The following GALNT13 variants were observed in gnomAD, a reference collection of about 807,000 sequenced individuals.
GALNT13 encodes UDP-GalNAc:polypeptide N-acetylgalactosaminyltransferase 13.
A neutral mutation model predicts 64.2 loss-of-function variants in GALNT13; 28 were observed. The observed-to-expected ratio is 0.44, with a 90% CI of 0.32 to 0.60. The LOEUF (loss-of-function observed/expected upper bound fraction) is 0.60, where lower values mean the gene tolerates loss of function less well. Ranked by LOEUF, GALNT13 falls within the 20% of genes least tolerant of loss-of-function variation. The pLI, the probability that GALNT13 is intolerant of heterozygous loss-of-function variation, is 0.05. For missense variants in GALNT13, 577 were observed against 669.8 expected (o/e 0.86, Z 1.53); for synonymous variants, 214 against 224.6 (o/e 0.95, Z 0.42).
At chr2:153,764,803 G>C in the GALNT13 span, among the ~76,000 whole-genome samples, 2 of 152,206 alleles carry the variant, frequency 1.3e-5, no homozygotes, top group African/African-American at 2.4e-5. Flanking sequence ...AGGGCCCCCT[G>C]CTGTGTGCAG....
chr2:154,221,204 C>G (rs1181000782), intron 4 of GALNT13, among the ~76,000 whole-genome samples: 1 of 151,854 alleles, frequency 6.6e-6, no homozygotes, highest in Non-Finnish European at 1.5e-5. Context: ...CTTGTTGATG[C>G]AAACAGAAAA....
chr2:153,306,919 A>G, the GALNT13 span, among the ~76,000 whole-genome samples: 1 of 152,090 alleles, frequency 6.6e-6, no homozygotes, highest in Non-Finnish European at 1.5e-5. Context: ...TCCTTTTGGT[A>G]GAATTGGGGT....
the GALNT13 span, among the ~76,000 whole-genome samples, chr2:153,687,530 G>T: frequency 6.6e-6 from 1 of 151,702 alleles, no homozygotes; most frequent in East Asian, 1.9e-4. Flanking sequence ...TTGAATAGAA[G>T]AGTAAATATT....
At chr2:153,547,381 T>G in the GALNT13 span, among the ~76,000 whole-genome samples, 1 of 152,228 alleles carries the variant, frequency 6.6e-6, no homozygotes, top group Non-Finnish European at 1.5e-5. Context: ...TTACTTCTAT[T>G]TTCATTGAAG....
At chr2:153,864,140 C>G in the GALNT13 span, among the ~76,000 whole-genome samples, 1 of 152,136 alleles carries the variant, frequency 6.6e-6, no homozygotes, top group African/African-American at 2.4e-5. Flanking sequence ...TTTTCTCTGT[C>G]AATGAATGCT....
the GALNT13 span, among the ~76,000 whole-genome samples, chr2:153,582,286 A>G: frequency 2.6e-5 from 4 of 152,302 alleles, no homozygotes; most frequent in South Asian, 6.2e-4. Context: ...CGTATTGATG[A>G]CAATCTCAAG....
At chr2:154,173,965 G>A (rs1013448614) in intron 4 of GALNT13, among the ~76,000 whole-genome samples, 3 of 152,112 alleles carry the variant, frequency 2.0e-5, no homozygotes, top group Non-Finnish European at 4.4e-5. Context: ...TACAGCCACT[G>A]TAGACGATAG....
chr2:154,035,186 C>G (rs1698585742), intron 3 of GALNT13, among the ~76,000 whole-genome samples: 1 of 152,038 alleles, frequency 6.6e-6, no homozygotes, highest in South Asian at 2.1e-4. Flanking sequence ...CACATAGACA[C>G]ACTTGGATTT....
the GALNT13 span, among the ~76,000 whole-genome samples, chr2:153,759,321 C>G: frequency 8.6e-3 from 1,306 of 152,172 alleles, 58 homozygotes; most frequent in East Asian, 0.13. Flanking sequence ...TGGCAAGGAG[C>G]GCTATAGTCA....
At chr2:153,458,454 T>C in the GALNT13 span, among the ~76,000 whole-genome samples, 1 of 152,164 alleles carries the variant, frequency 6.6e-6, no homozygotes, top group Non-Finnish European at 1.5e-5. Context: ...AACTCCCTCC[T>C]ACTTCTCTTT....
chr2:154,021,453 C>T (rs1697485132), intron 3 of GALNT13, among the ~76,000 whole-genome samples: 1 of 152,170 alleles, frequency 6.6e-6, no homozygotes, highest in Non-Finnish European at 1.5e-5. Flanking sequence ...ATTTTATTCT[C>T]TTTGAAACAA....
intron 4 of GALNT13, among the ~76,000 whole-genome samples, chr2:154,174,053 G>C (rs1352904212): frequency 1.3e-5 from 2 of 152,078 alleles, no homozygotes; most frequent in Non-Finnish European, 2.9e-5. Context: ...ATATCCAAAA[G>C]AAAGGAAATC....
the GALNT13 span, among the ~76,000 whole-genome samples, chr2:153,075,756 CCT>C: frequency 1.3e-5 from 2 of 151,966 alleles, no homozygotes; most frequent in Non-Finnish European, 2.9e-5. Flanking sequence ...TTATTTTCTC[CCT>C]CTTTTATAGG....
At chr2:153,166,812 C>T in the GALNT13 span, among the ~76,000 whole-genome samples, 167 of 152,260 alleles carry the variant, frequency 1.1e-3, no homozygotes, top group Non-Finnish European at 1.9e-3. Context: ...TATAACCTTG[C>T]GTAACCAGGT....
At chr2:153,562,080 G>C in the GALNT13 span, among the ~76,000 whole-genome samples, 118 of 147,104 alleles carry the variant, frequency 8.0e-4, 1 homozygote, top group Admixed American at 2.7e-3. Flanking sequence ...GTGTGTGTGT[G>C]TGTGTGTGTG....
chr2:154,252,738 GATA>G (rs1690145713), intron 7 of GALNT13, among the ~76,000 whole-genome samples: 2 of 140,314 alleles, frequency 1.4e-5, no homozygotes, highest in Non-Finnish European at 3.2e-5. Context: ...TAGATAGATA[GATA>G]GATAGATAGA....
intron 4 of GALNT13, among the ~76,000 whole-genome samples, chr2:154,152,038 C>T (rs1264868516): frequency 1.3e-5 from 2 of 152,162 alleles, no homozygotes; most frequent in South Asian, 2.1e-4. Context: ...ATGGTCTTTA[C>T]AATTTGGCAT....
At chr2:153,337,174 T>G in the GALNT13 span, among the ~76,000 whole-genome samples, 1 of 152,158 alleles carries the variant, frequency 6.6e-6, no homozygotes, top group Non-Finnish European at 1.5e-5. Context: ...AATAAGAATT[T>G]TTGATTGAGA....
At chr2:154,360,153 G>A (rs927943214) in intron 9 of GALNT13, among the ~76,000 whole-genome samples, 2 of 151,984 alleles carry the variant, frequency 1.3e-5, no homozygotes, top group African/African-American at 2.4e-5. Flanking sequence ...TTCCTTGATT[G>A]TTTGTAAATA....
Sources: allele counts gnomAD v4.1 joint callset (sites outside exome capture counted in the v4.1 genomes callset), GRCh38; gene constraint gnomAD v4.1.1; transcripts MANE v1.5; gene names NCBI Gene and HGNC (gene_info 2026-07-23, HGNC 2026-07-21).